Variants in CSMD1 observed in about 807,000 individuals in gnomAD.
CSMD1 encodes CUB and Sushi multiple domains 1, also known as CUB and sushi domain-containing protein 1.
CSMD1 carries 213 observed loss-of-function variants against 417.5 expected under a neutral mutation model. The ratio of observed to expected loss-of-function variants is 0.51; its 90% confidence interval spans 0.46 to 0.57. CSMD1 has a LOEUF of 0.57. CSMD1 is among the 20% of genes least tolerant of loss of function. CSMD1 has a pLI of 0.00. For missense variants in CSMD1, 6,923 were observed against 4,529.7 expected (o/e 1.53, Z -15.17); for synonymous variants, 2,862 against 1,736.8 (o/e 1.65, Z -16.11).
At chr8:4,488,690 G>GGC (rs1554494894) in intron 2 of CSMD1, among the ~76,000 whole-genome samples, 1 of 151,882 alleles carries the variant, frequency 6.6e-6, no homozygotes, top group East Asian at 1.9e-4. Context: ...GCGGTGGGGG[G>GGC]GGTGAAAAGT....
At position 4,632,774 on chromosome 8, in the gene CSMD1, T is replaced by C. The variant is rs571142978; in HGVS notation, c.302+4568A>G. Among the ~76,000 whole-genome samples the C allele has an allele frequency of 2.0e-5, 3 of 152,264 alleles. No homozygotes were observed. In the South Asian group the frequency reaches 6.2e-4, roughly 32 times the overall value. ...AATGTACGTGGGTTGTTGTTTGGAA[T>C]GCCTAGGGAAGATTTCCTGAAATAA... On this transcript the variant is annotated intron_variant, in intron 2 of 69. Transcript: ENST00000635120.
chr8:3,120,339 G>A (rs1817125428), intron 41 of CSMD1, among the ~76,000 whole-genome samples: 1 of 152,180 alleles, frequency 6.6e-6, no homozygotes, highest in Admixed American at 6.5e-5. Flanking sequence ...TAAAGATAAT[G>A]TGAGAACATA....
At chr8:4,974,941 G>T (rs188724893) in intron 1 of CSMD1, among the ~76,000 whole-genome samples, 49 of 152,312 alleles carry the variant, frequency 3.2e-4, no homozygotes, top group African/African-American at 1.1e-3. Flanking sequence ...GAGAGACAAA[G>T]AATTATTCGA....
At chr8:3,704,747 C>T (rs563148740) in intron 7 of CSMD1, 1 of 152,208 alleles carries the variant, frequency 6.6e-6, no homozygotes, top group Non-Finnish European at 1.5e-5. Context: ...TGACCTTGAT[C>T]TGTTTAATTA....
At chr8:4,905,445 ACT>A (rs1302393137) in intron 1 of CSMD1, among the ~76,000 whole-genome samples, 20 of 152,210 alleles carry the variant, frequency 1.3e-4, no homozygotes, top group African/African-American at 4.6e-4. Flanking sequence ...ATAGTAAAAG[ACT>A]CTCACTTTCT....
intron 2 of CSMD1, among the ~76,000 whole-genome samples, chr8:4,526,777 C>A: frequency 6.6e-6 from 1 of 152,162 alleles, no homozygotes; most frequent in East Asian, 1.9e-4. Context: ...TGATTCTCCA[C>A]AACCTGAATT....
At chr8:4,783,732 G>A (rs1344799713) in intron 1 of CSMD1, among the ~76,000 whole-genome samples, 1 of 152,164 alleles carries the variant, frequency 6.6e-6, no homozygotes, top group Non-Finnish European at 1.5e-5. Flanking sequence ...AGTGGAAACT[G>A]CAAGCATATC....
At chr8:4,256,687 C>CAG (rs1445651078) in intron 3 of CSMD1, among the ~76,000 whole-genome samples, 4 of 151,558 alleles carry the variant, frequency 2.6e-5, no homozygotes, top group Admixed American at 6.6e-5. Flanking sequence ...AGAATCCCAG[C>CAG]AGATGGGCCG....
chr8:3,112,817 C>G (rs566008711), intron 42 of CSMD1: 3 of 152,318 alleles, frequency 2.0e-5, no homozygotes, highest in African/African-American at 4.8e-5. Context: ...TAACAATATT[C>G]TATCCATAAG....
At chr8:3,379,393 A>G (rs1482073179) in intron 18 of CSMD1, among the ~76,000 whole-genome samples, 1 of 152,198 alleles carries the variant, frequency 6.6e-6, no homozygotes, top group East Asian at 1.9e-4. Flanking sequence ...ATTAGAAAAA[A>G]CTACTTAAAA....
At chr8:4,352,619 C>T (rs372287289) in intron 3 of CSMD1, among the ~76,000 whole-genome samples, 6 of 152,150 alleles carry the variant, frequency 3.9e-5, no homozygotes, top group East Asian at 1.9e-4. Context: ...TCATTTGCCC[C>T]GAGTGACACC....
chr8:4,161,456 T>C (rs1232434631), intron 3 of CSMD1, among the ~76,000 whole-genome samples: 1 of 152,210 alleles, frequency 6.6e-6, no homozygotes, highest in Non-Finnish European at 1.5e-5. Context: ...TGGAATAAGT[T>C]GAATGGCTTA....
At position 3,407,988 on chromosome 8, in the gene CSMD1, G is replaced by T; in HGVS notation, c.1982C>A (p.Ser661Tyr). Reference sequence around the variant, plus strand: ...TATATGCCCACTGCTGGCCAGCTGGGAAGGCACTTCATTGCCAGAAAAAGT... The same window carrying T: ...TATATGCCCACTGCTGGCCAGCTGGTAAGGCACTTCATTGCCAGAAAAAGT... ...LGTFSGNEVP[S>Y]QLASSGHIVR... The change falls in exon 14 of 70, where the codon TCC becomes TAC. Residue 661 changes from serine to tyrosine, a missense_variant. Coordinates refer to ENST00000635120, the MANE Select transcript of CSMD1 (RefSeq NM_033225.6). 6.2e-7 allele frequency: 1 copy of T among 1,613,896 alleles called. No individual in the cohort carries two copies. Among genetic ancestry groups the T allele is most frequent in the South Asian group, 1.1e-5 (1 of 91,060 alleles).
chr8:4,169,767 G>C (rs1238524424), intron 3 of CSMD1, among the ~76,000 whole-genome samples: 1 of 152,078 alleles, frequency 6.6e-6, no homozygotes, highest in Non-Finnish European at 1.5e-5. Flanking sequence ...ACTATTCATG[G>C]GATGCTTCTT....
intron 58 of CSMD1, 83 bp from the exon 59 acceptor site, chr8:2,966,037 T>C: frequency 8.1e-7 from 1 of 1,239,506 alleles, no homozygotes; most frequent in South Asian, 1.4e-5. Context: ...CAAGATACTC[T>C]CTCTGAGTTG....
chr8:3,614,278 C>G (rs543660289), intron 8 of CSMD1, among the ~76,000 whole-genome samples: 30 of 152,088 alleles, frequency 2.0e-4, no homozygotes, highest in Non-Finnish European at 4.1e-4. Context: ...AGATAAGATT[C>G]TACAGAAACC....
intron 7 of CSMD1, among the ~76,000 whole-genome samples, chr8:3,680,421 G>C (rs1474614476): frequency 6.6e-6 from 1 of 152,060 alleles, no homozygotes; most frequent in South Asian, 2.1e-4. Flanking sequence ...CTACGCAAAT[G>C]AACTAGAAAA....
chr8:4,275,170 T>C (rs1563372712), intron 3 of CSMD1, among the ~76,000 whole-genome samples: 1 of 152,186 alleles, frequency 6.6e-6, no homozygotes, highest in African/African-American at 2.4e-5. Context: ...AGTTACATTT[T>C]CTGGGGTTTT....
At chr8:3,769,599 G>A (rs1287236659) in intron 5 of CSMD1, among the ~76,000 whole-genome samples, 1 of 152,024 alleles carries the variant, frequency 6.6e-6, no homozygotes, top group Admixed American at 6.6e-5. Context: ...ATATAAAAGT[G>A]AAGTATCTAT....
Sources: allele counts gnomAD v4.1 joint callset (sites outside exome capture counted in the v4.1 genomes callset), GRCh38; gene constraint gnomAD v4.1.1; transcripts MANE v1.5; gene names NCBI Gene and HGNC (gene_info 2026-07-23, HGNC 2026-07-21).